Variants in KLRF1 observed in about 807,000 individuals in gnomAD.
The protein encoded by KLRF1 is killer cell lectin like receptor F1.
A neutral mutation model predicts 30.7 loss-of-function variants in KLRF1; 27 were observed. That is an observed-to-expected ratio of 0.88 (90% CI 0.65 to 1.21). The LOEUF is 1.21. KLRF1 is among the 50% of genes most tolerant of loss of function. KLRF1 has a pLI of 0.00. For synonymous variants in KLRF1, 92 were observed against 89.3 expected (o/e 1.03, Z -0.17); for missense variants, 246 against 259.3 (o/e 0.95, Z 0.35).
At chr12:9,844,274 C>T (rs1056138028) in intron 5 of KLRF1, 144 bp from the exon 6 acceptor site, 1 of 527,098 alleles carries the variant, frequency 1.9e-6, no homozygotes, top group Non-Finnish European at 3.4e-6. Context: ...GTTACAGTTA[C>T]TGTAATCGTT....
At chr12:9,801,379 G>A in the KLRF1 span, among the ~76,000 whole-genome samples, 1 of 151,810 alleles carries the variant, frequency 6.6e-6, no homozygotes, top group African/African-American at 2.4e-5. Context: ...GGGATTGCTG[G>A]GTCAAATGGT....
chr12:9,801,688 T>C, the KLRF1 span, among the ~76,000 whole-genome samples: 1 of 152,108 alleles, frequency 6.6e-6, no homozygotes, highest in Non-Finnish European at 1.5e-5. Flanking sequence ...ACTTTTTGAA[T>C]GGGATTGTTT....
intron 5 of KLRF1, 91 bp downstream of exon 5, chr12:9,842,524 TG>T: frequency 1.8e-6 from 2 of 1,120,946 alleles, no homozygotes; most frequent in Admixed American, 2.1e-5. Flanking sequence ...AAATAGTTAC[TG>T]GTACTACAGA....
the KLRF1 span, among the ~76,000 whole-genome samples, chr12:9,806,619 A>G: frequency 1.3e-5 from 2 of 152,080 alleles, no homozygotes; most frequent in Non-Finnish European, 2.9e-5. Flanking sequence ...TAGAACTATT[A>G]ACATGGCTGG....
At chr12:9,840,933 G>T in intron 3 of KLRF1, among the ~76,000 whole-genome samples, 1 of 152,164 alleles carries the variant, frequency 6.6e-6, no homozygotes, top group Middle Eastern at 3.4e-3. Context: ...CTTCAACCCC[G>T]CAATCCCATT....
chr12:9,810,792 T>C, the KLRF1 span, among the ~76,000 whole-genome samples: 2 of 152,214 alleles, frequency 1.3e-5, no homozygotes, highest in Admixed American at 6.5e-5. Context: ...ATTTTTTTTA[T>C]GAAGTGACTT....
At chr12:9,815,134 A>T in the KLRF1 span, among the ~76,000 whole-genome samples, 6,974 of 152,248 alleles carry the variant, frequency 0.046, 545 homozygotes, top group African/African-American at 0.16. Context: ...ACCAATAAGA[A>T]TATAAAAAAG....
At chr12:9,838,354 G>T (rs1431010601) in intron 3 of KLRF1, among the ~76,000 whole-genome samples, 1 of 152,000 alleles carries the variant, frequency 6.6e-6, no homozygotes, top group Non-Finnish European at 1.5e-5. Context: ...TTTCTGGGGG[G>T]GTGAATAGCT....
At chr12:9,842,500 C>G in intron 5 of KLRF1, 67 bp downstream of exon 5, 1 of 1,422,624 alleles carries the variant, frequency 7.0e-7, no homozygotes, top group Non-Finnish European at 9.7e-7. Flanking sequence ...CCAGGTTCAC[C>G]AAATTCAACT....
At chr12:9,820,243 T>C in the KLRF1 span, among the ~76,000 whole-genome samples, 1 of 152,228 alleles carries the variant, frequency 6.6e-6, no homozygotes. Context: ...GCCTTCACTG[T>C]TGATACCTTC....
chr12:9,805,772 GTTTCA>G, the KLRF1 span, among the ~76,000 whole-genome samples: 113 of 151,750 alleles, frequency 7.4e-4, no homozygotes, highest in Non-Finnish European at 7.4e-4. Flanking sequence ...AAATTTTTTT[GTTTCA>G]TTTAAGTAAT....
intron 1 of KLRF1, among the ~76,000 whole-genome samples, chr12:9,830,879 C>A (rs761681160): frequency 1.4e-4 from 21 of 151,956 alleles, no homozygotes; most frequent in African/African-American, 4.8e-4. Context: ...TAAATTAAAC[C>A]ATTTCCTTAT....
chr12:9,810,299 GAACGGAAGTTAAGCT>G, the KLRF1 span, among the ~76,000 whole-genome samples: 1 of 152,180 alleles, frequency 6.6e-6, no homozygotes, highest in Non-Finnish European at 1.5e-5. Context: ...TTCTGAGCCT[GAACGGAAGTTAAGCT>G]CCCAGAAATC....
chr12:9,827,535 C>G lies in KLRF1; in HGVS notation c.-10C>G, dbSNP rs1411067714. The G allele has an allele frequency of 2.6e-6, 4 of 1,555,444 alleles. No individual in the cohort carries two copies. Among genetic ancestry groups the G allele is most frequent in the Non-Finnish European group, 1.8e-6 (2 of 1,130,592 alleles). ...ATACCTGTATACACACACATTCACT[C>G]ACATTGAAGATGCAAGATGAAGAAA... On this transcript the variant is annotated 5_prime_UTR_variant, in exon 1 of 6. It introduces an in-frame stop codon into an upstream open reading frame of the 5' UTR. Coordinates refer to ENST00000617889, the MANE Select transcript of KLRF1 (RefSeq NM_016523.3).
intron 3 of KLRF1, among the ~76,000 whole-genome samples, chr12:9,836,973 G>T (rs1375989571): frequency 1.3e-5 from 2 of 151,830 alleles, no homozygotes; most frequent in African/African-American, 2.4e-5. Flanking sequence ...TCTTAGCTGA[G>T]GTACAATTCA....
chr12:9,823,742 A>T (rs1342831401), upstream of KLRF1, among the ~76,000 whole-genome samples: 3 of 152,060 alleles, frequency 2.0e-5, no homozygotes, highest in Non-Finnish European at 2.9e-5. Flanking sequence ...CATTGGACTA[A>T]TAATGAAGAC....
In KLRF1 at chr12:9,832,314, A is replaced by G. The variant is rs567657822; in HGVS notation, c.86-2A>G. 2.0e-6 allele frequency: 3 copies of G among 1,535,596 alleles called. No homozygotes were observed. In the Admixed American group the frequency reaches 5.1e-5, roughly 26 times the overall value. ...AACTAATTCATGTGATTAATGTCTC[A>G]GATTATTCAGTGACGTTGCACTGGT... On this transcript the variant is annotated splice_acceptor_variant, in intron 1 of 5. Coordinates refer to ENST00000617889, the MANE Select transcript of KLRF1 (RefSeq NM_016523.3). LOFTEE classifies it high-confidence loss of function.
intron 1 of KLRF1, among the ~76,000 whole-genome samples, chr12:9,828,130 A>T (rs1416249845): frequency 1.3e-5 from 2 of 151,038 alleles, no homozygotes; most frequent in Non-Finnish European, 2.9e-5. Flanking sequence ...CCCAGGCTGG[A>T]GTGCAATGGC....
the KLRF1 span, among the ~76,000 whole-genome samples, chr12:9,805,671 T>C: frequency 6.6e-6 from 1 of 152,068 alleles, no homozygotes; most frequent in African/African-American, 2.4e-5. Context: ...CTTAGGAAGT[T>C]TTAAAACCAC....
Sources: allele counts gnomAD v4.1 joint callset (sites outside exome capture counted in the v4.1 genomes callset), GRCh38; gene constraint gnomAD v4.1.1; transcripts MANE v1.5; gene names NCBI Gene and HGNC (gene_info 2026-07-23, HGNC 2026-07-21).